PRICKLE2: variants seen among roughly 807,000 people sequenced by gnomAD.
The protein encoded by PRICKLE2 is prickle planar cell polarity protein 2, also known as prickle-like protein 2.
In PRICKLE2, 21 loss-of-function variants were observed where a neutral mutation model predicts 81.4. That is an observed-to-expected ratio of 0.26 (90% CI 0.18 to 0.37). The LOEUF (loss-of-function observed/expected upper bound fraction) is 0.37, where lower values mean the gene tolerates loss of function less well. Ranked by LOEUF, PRICKLE2 falls within the 10% of genes least tolerant of loss-of-function variation. The pLI is 1.00. For synonymous variants in PRICKLE2, 456 were observed against 421.5 expected (o/e 1.08, Z -1.00); for missense variants, 940 against 1,109.0 (o/e 0.85, Z 2.16).
chr3:64,227,051 T>A (rs1298231799), upstream of PRICKLE2, among the ~76,000 whole-genome samples: 1 of 152,236 alleles, frequency 6.6e-6, no homozygotes, highest in African/African-American at 2.4e-5. Flanking sequence ...TTGTTGGATG[T>A]GGGGAAGTTA....
At chr3:64,140,222 C>T (rs140757345) in intron 7 of PRICKLE2, among the ~76,000 whole-genome samples, 2 of 152,294 alleles carry the variant, frequency 1.3e-5, no homozygotes, top group African/African-American at 2.4e-5. Context: ...TAGATAAATC[C>T]GTTGCCCAAG....
intron 2 of PRICKLE2, among the ~76,000 whole-genome samples, chr3:64,178,994 T>TC (rs2078074637): frequency 6.8e-6 from 1 of 147,050 alleles, no homozygotes; most frequent in African/African-American, 2.6e-5. Flanking sequence ...TTTCTTTCTT[T>TC]CTTTCTTTCT....
At chr3:64,249,343 G>A (rs181601114) in intron 2 of PRICKLE2, among the ~76,000 whole-genome samples, 4 of 152,270 alleles carry the variant, frequency 2.6e-5, no homozygotes, top group Admixed American at 2.6e-4. Flanking sequence ...CTGCCTCCAT[G>A]ATCCAACCAC....
chr3:64,203,932 C>T (rs1365383352), intron 1 of PRICKLE2, among the ~76,000 whole-genome samples: 3 of 152,018 alleles, frequency 2.0e-5, no homozygotes, highest in Non-Finnish European at 2.9e-5. Flanking sequence ...GAGCCCAGAT[C>T]GCATCACTAC....
chr3:64,263,050 T>G (rs1443829926), intron 2 of PRICKLE2, among the ~76,000 whole-genome samples: 2 of 152,176 alleles, frequency 1.3e-5, no homozygotes, highest in African/African-American at 4.8e-5. Flanking sequence ...CTCCAGGCCT[T>G]CTCATAGCCT....
chr3:64,251,745 C>T (rs760506267), intron 2 of PRICKLE2, among the ~76,000 whole-genome samples: 7 of 152,216 alleles, frequency 4.6e-5, no homozygotes, highest in Non-Finnish European at 1.0e-4. Context: ...TCTGAATCTG[C>T]ATCTGGGCCC....
intron 7 of PRICKLE2, among the ~76,000 whole-genome samples, chr3:64,112,635 T>A (rs865814393): frequency 2.3e-4 from 35 of 152,074 alleles, no homozygotes; most frequent in African/African-American, 8.2e-4. Flanking sequence ...AGTTTTGGGC[T>A]CTCAAAAAAA....
intron 7 of PRICKLE2, among the ~76,000 whole-genome samples, chr3:64,127,258 G>A (rs1474815509): frequency 6.6e-6 from 1 of 152,132 alleles, no homozygotes; most frequent in Admixed American, 6.5e-5. Context: ...GCAACATAAT[G>A]CTCCAGGGAG....
upstream of PRICKLE2, among the ~76,000 whole-genome samples, chr3:64,226,491 C>T (rs946947585): frequency 6.6e-6 from 1 of 152,174 alleles, no homozygotes; most frequent in South Asian, 2.1e-4. Flanking sequence ...TTACTAAGCA[C>T]GTACTCTATG....
At chr3:64,216,035 G>A (rs988199956) in intron 1 of PRICKLE2, among the ~76,000 whole-genome samples, 14 of 152,244 alleles carry the variant, frequency 9.2e-5, no homozygotes, top group Non-Finnish European at 1.9e-4. Context: ...CAGAATGGAA[G>A]AAAATCAGGT....
At chr3:64,123,266 A>T (rs1259640386) in intron 7 of PRICKLE2, among the ~76,000 whole-genome samples, 1 of 152,252 alleles carries the variant, frequency 6.6e-6, no homozygotes, top group Non-Finnish European at 1.5e-5. Flanking sequence ...CAATGGAATA[A>T]AGCACAACTT....
intron 2 of PRICKLE2, among the ~76,000 whole-genome samples, chr3:64,196,743 C>G (rs1254265590): frequency 6.6e-6 from 1 of 152,032 alleles, no homozygotes; most frequent in East Asian, 1.9e-4. Flanking sequence ...AACGGAAGTG[C>G]CTGTAGGTTT....
intron 1 of PRICKLE2, among the ~76,000 whole-genome samples, chr3:64,222,595 G>C (rs1195756775): frequency 6.6e-6 from 1 of 152,170 alleles, no homozygotes; most frequent in African/African-American, 2.4e-5. Context: ...ACTGGGCCAT[G>C]GTAGGCAGGC....
intron 2 of PRICKLE2, chr3:64,175,001 G>A (rs1021894665): frequency 1.2e-5 from 2 of 168,218 alleles, no homozygotes; most frequent in East Asian, 1.5e-4. Flanking sequence ...GGGCTAAAAC[G>A]TGGAAGACAC....
intron 2 of PRICKLE2, among the ~76,000 whole-genome samples, chr3:64,167,913 A>C (rs2107056123): frequency 6.6e-6 from 1 of 152,236 alleles, no homozygotes; most frequent in Non-Finnish European, 1.5e-5. Context: ...ACACTTTGTG[A>C]GTTTTAGAGC....
At chr3:64,117,886 A>G (rs1179508914) in intron 7 of PRICKLE2, among the ~76,000 whole-genome samples, 1 of 152,218 alleles carries the variant, frequency 6.6e-6, no homozygotes, top group Non-Finnish European at 1.5e-5. Flanking sequence ...AAGAGCCCAA[A>G]TAGCCAAGAC....
intron 1 of PRICKLE2, among the ~76,000 whole-genome samples, chr3:64,220,903 T>C (rs569064029): frequency 6.6e-6 from 1 of 152,322 alleles, no homozygotes; most frequent in South Asian, 2.1e-4. Flanking sequence ...CATATTGTAC[T>C]TGAAAATCTG....
chr3:64,137,390 C>T (rs2077294182), intron 7 of PRICKLE2, among the ~76,000 whole-genome samples: 1 of 152,168 alleles, frequency 6.6e-6, no homozygotes, highest in African/African-American at 2.4e-5. Context: ...TGCTGGCCTC[C>T]ACCCTGGACG....
chr3:64,252,429 T>A (rs189044348), intron 2 of PRICKLE2, among the ~76,000 whole-genome samples: 1 of 151,992 alleles, frequency 6.6e-6, no homozygotes, highest in Admixed American at 6.6e-5. Flanking sequence ...TTGGAGAAAA[T>A]TGAACATAAA....
Sources: allele counts gnomAD v4.1 joint callset (sites outside exome capture counted in the v4.1 genomes callset), GRCh38; gene constraint gnomAD v4.1.1; transcripts MANE v1.5; gene names NCBI Gene and HGNC (gene_info 2026-07-23, HGNC 2026-07-21).